ZNF461: variants seen among roughly 807,000 people sequenced by gnomAD.
ZNF461 encodes the protein zinc finger protein 461, also known as gonadotropin-inducible ovarian transcription factor-1.
ZNF461 carries 16 observed loss-of-function variants against 18.3 expected under a neutral mutation model. The ratio of observed to expected loss-of-function variants is 0.88; its 90% CI spans 0.59 to 1.33. ZNF461 has a LOEUF of 1.33. Among genes scored for constraint, ZNF461 ranks in the 40% most tolerant of loss-of-function variants. The probability of loss-of-function intolerance (pLI) is 0.00; values close to 1 mark genes in which losing one functional copy is unlikely to be tolerated. For missense variants in ZNF461, 595 were observed against 669.9 expected, an observed-to-expected ratio of 0.89 and a Z score of 1.23; for synonymous variants, 179 against 216.9, an observed-to-expected ratio of 0.83 and a Z score of 1.54.
chr19:36,643,202 C>T (rs2037459734), intron 5 of ZNF461: 1 of 152,180 alleles, frequency 6.6e-6, no homozygotes, highest in Admixed American at 6.5e-5. Flanking sequence ...CCTGTGAAAC[C>T]ACCACTTAAC....
chr19:36,656,422 A>C, intron 4 of ZNF461, 26 bp downstream of exon 4: 44 of 1,594,946 alleles, frequency 2.8e-5, no homozygotes, highest in Non-Finnish European at 3.6e-5. Flanking sequence ...GCTCTCTGCA[A>C]GAGCTTCCTG....
rs1600404948 is a variant in ZNF461 at position 36,637,879 on chromosome 19, A to G, written c.*774T>C. On this transcript the variant is annotated 3_prime_UTR_variant, in exon 6 of 6. Transcript: ENST00000588268. ...TGGCTACAGAACTGGATGTTAGGGG[A>G]GAATTAATTTTCACATTTTTGGTAA... 1 of 381,986 alleles carries G rather than the reference A, an allele frequency of 2.6e-6. No homozygotes were observed. Among genetic ancestry groups the G allele is most frequent in the Non-Finnish European group, 5.1e-6 (1 of 195,124 alleles). 23.7% of individuals were successfully genotyped at this position (381,986 alleles called of 1,614,324 possible).
intron 1 of ZNF461, among the ~76,000 whole-genome samples, chr19:36,665,596 C>A (rs2037898513): frequency 1.3e-5 from 2 of 151,012 alleles, no homozygotes; most frequent in South Asian, 4.2e-4. Flanking sequence ...GTAATCCCAG[C>A]TACTCGTGAG....
At chr19:36,641,533 C>A (rs2037423175) in intron 5 of ZNF461, among the ~76,000 whole-genome samples, 1 of 147,430 alleles carries the variant, frequency 6.8e-6, no homozygotes. Flanking sequence ...AACAAACAAA[C>A]AACAAAATAT....
At position 36,658,180 on chromosome 19, in the gene ZNF461, C is replaced by A. The variant is rs978629089; in HGVS notation, c.136+119G>T. On this transcript the variant is annotated intron_variant, in intron 3 of 5. Transcript: ENST00000588268. ...ACAATACATAAAGAGAAAATTCATC[C>A]AGTTATTTGAAAGCTAGCCCTAAAT... is the stretch of plus-strand genomic sequence containing the variant. 1.8e-5 allele frequency: 19 copies of A among 1,032,426 alleles called. No individual in the cohort carries two copies. The African/African-American group carries it at 2.9e-4, about 16-fold the overall frequency. The allele number at this position is 1,032,426 out of a possible 1,614,324, so 64.0% of individuals were successfully genotyped here. A position where few individuals can be genotyped will look rare whatever the true frequency, so the allele number is the denominator to read the frequency against.
Position 36,664,795 on chromosome 19 carries a change from G to A in ZNF461, c.-80-9C>T, listed in dbSNP as rs2037876544. ...ATCCAAAGAAGGTGTTGCTGGGAGA[G>A]AGGGGAGTTAAAAAAAAGACAGGAG... is the stretch of plus-strand genomic sequence containing the variant. On this transcript the variant is annotated splice_polypyrimidine_tract_variant and intron_variant, in intron 1 of 5. Transcript: ENST00000588268. 2 of 1,034,420 alleles carry A rather than the reference G, an allele frequency of 1.9e-6. No homozygotes were observed. Among genetic ancestry groups the A allele is most frequent in the Non-Finnish European group, 2.7e-6 (2 of 746,506 alleles). The allele number at this position is 1,034,420 out of a possible 1,614,324, so 64.1% of individuals were successfully genotyped here.
chr19:36,655,880 T>C (rs1257000088), intron 4 of ZNF461, among the ~76,000 whole-genome samples: 7 of 152,360 alleles, frequency 4.6e-5, no homozygotes, highest in Non-Finnish European at 1.0e-4. Context: ...CTGTATTCCT[T>C]TGCCTGTGGA....
In ZNF461 at chr19:36,638,636, A is replaced by G; in HGVS notation, c.*17T>C. 6.4e-7 allele frequency: 1 copy of G among 1,565,006 alleles called. No homozygotes were observed. The highest frequency in any genetic ancestry group is 1.4e-5 in the African/African-American group (1 of 73,302). ...CTTAAATAAAACAAAGACAATGTATATTTCCATCAACAAATTTCATGATGC... is the reference window on the plus strand; with the variant it reads ...CTTAAATAAAACAAAGACAATGTATGTTTCCATCAACAAATTTCATGATGC... On this transcript the variant is annotated 3_prime_UTR_variant, in exon 6 of 6. Coordinates refer to ENST00000588268, the MANE Select transcript of ZNF461 (RefSeq NM_153257.5).
At chr19:36,650,864 T>TA (rs397697165) in intron 4 of ZNF461, among the ~76,000 whole-genome samples, 88,271 of 141,226 alleles carry the variant, frequency 0.63, 28,088 homozygotes, top group East Asian at 0.81. Context: ...TCATTCATAT[T>TA]AAAAAAAAAA....
intron 2 of ZNF461, among the ~76,000 whole-genome samples, chr19:36,661,280 T>G (rs77022404): frequency 6.9e-6 from 1 of 145,536 alleles, no homozygotes. Flanking sequence ...CCAGTCTCTT[T>G]AAAAAAAAAA....
intron 4 of ZNF461, 114 bp downstream of exon 4, chr19:36,656,334 A>G (rs528021656): frequency 1.2e-6 from 1 of 843,744 alleles, no homozygotes; most frequent in African/African-American, 1.7e-5. Context: ...ATATCTTTGT[A>G]ATATGTTTTG....
intron 4 of ZNF461, among the ~76,000 whole-genome samples, chr19:36,654,382 A>G (rs2037680544): frequency 1.3e-5 from 2 of 151,966 alleles, no homozygotes; most frequent in Admixed American, 6.6e-5. Context: ...TGATTGATTG[A>G]TTGAGACAGG....
chr19:36,648,544 C>A (rs1238035288), intron 4 of ZNF461, among the ~76,000 whole-genome samples: 1 of 151,254 alleles, frequency 6.6e-6, no homozygotes, highest in Non-Finnish European at 1.5e-5. Flanking sequence ...GAGGTGATAT[C>A]TCATTGTGTG....
chr19:36,640,259 C>T, intron 5 of ZNF461: 2 of 482,828 alleles, frequency 4.1e-6, no homozygotes, highest in Non-Finnish European at 7.2e-6. Context: ...TTTGATCCAC[C>T]TCTGAATTAC....
At chr19:36,661,997 G>A (rs12710046) in intron 2 of ZNF461, among the ~76,000 whole-genome samples, 14,019 of 151,936 alleles carry the variant, frequency 0.092, 707 homozygotes, top group African/African-American at 0.14. Context: ...AGCCTCCTGA[G>A]TAGTTGGGAT....
intron 4 of ZNF461, among the ~76,000 whole-genome samples, chr19:36,646,081 C>A (rs2037521065): frequency 1.3e-5 from 2 of 151,910 alleles, no homozygotes; most frequent in South Asian, 4.1e-4. Flanking sequence ...CCGTGCCTGG[C>A]CAGATTTTGA....
chr19:36,659,740 T>C (rs1047467296), intron 2 of ZNF461, among the ~76,000 whole-genome samples: 8 of 152,198 alleles, frequency 5.3e-5, no homozygotes, highest in Non-Finnish European at 8.8e-5. Flanking sequence ...ATTTACTGTG[T>C]TCCCAAAGAA....
chr19:36,646,397 G>C (rs1181298910), intron 4 of ZNF461, among the ~76,000 whole-genome samples: 2 of 152,190 alleles, frequency 1.3e-5, no homozygotes, highest in African/African-American at 4.8e-5. Flanking sequence ...CTCCCAAAGT[G>C]CTAGGATTAG....
intron 4 of ZNF461, among the ~76,000 whole-genome samples, chr19:36,644,849 G>A (rs146055042): frequency 0.01 from 1,559 of 152,118 alleles, 34 homozygotes; most frequent in African/African-American, 0.035. Flanking sequence ...TGCCCACCTC[G>A]TCCTCCCAAA....
Sources: allele counts gnomAD v4.1 joint callset (sites outside exome capture counted in the v4.1 genomes callset), GRCh38; gene constraint gnomAD v4.1.1; transcripts MANE v1.5; gene names NCBI Gene and HGNC (gene_info 2026-07-23, HGNC 2026-07-21).